PFAS: variants seen among roughly 807,000 people sequenced by gnomAD.
The protein encoded by PFAS is phosphoribosylformylglycinamidine synthase, also known as FGAM synthase.
A neutral mutation model predicts 140.6 loss-of-function variants in PFAS; 97 were observed. The observed-to-expected ratio is 0.69, with a 90% CI of 0.59 to 0.82. The LOEUF (loss-of-function observed/expected upper bound fraction) is 0.82, where lower values mean the gene tolerates loss of function less well. Among genes scored for constraint, PFAS ranks in the 40% least tolerant of loss-of-function variants. The pLI is 0.00. For synonymous variants in PFAS, 679 were observed against 718.8 expected (o/e 0.94, Z 0.88); for missense variants, 1,656 against 1,780.2 (o/e 0.93, Z 1.26).
intron 11 of PFAS, among the ~76,000 whole-genome samples, chr17:8,262,008 C>A (rs1989613500): frequency 6.6e-6 from 1 of 150,834 alleles, no homozygotes; most frequent in Non-Finnish European, 1.5e-5. Context: ...CGAGCAAGAC[C>A]CCATCTCAAA....
intron 11 of PFAS, chr17:8,262,598 A>G: frequency 3.6e-6 from 1 of 280,124 alleles, no homozygotes; most frequent in Non-Finnish European, 7.0e-6. Context: ...GTTTGAGACC[A>G]GCCTGGCCAA....
upstream of PFAS, chr17:8,247,865 G>C: frequency 1.3e-6 from 1 of 789,402 alleles, no homozygotes; most frequent in South Asian, 1.5e-5. Context: ...AGGTAGGAGC[G>C]GACCGACTCA....
Position 8,254,075 on chromosome 17 carries a change from G to C in PFAS, c.138G>C (p.Trp46Cys). 6.2e-7 allele frequency: 1 copy of C among 1,614,094 alleles called. No individual in the cohort carries two copies. The highest frequency in any genetic ancestry group is 8.5e-7 in the Non-Finnish European group (1 of 1,179,986). ...VETELCYNVN[W>C]TAEALPSAEE... Reference sequence around the variant, plus strand: ...CTGAACTGTGCTACAACGTGAACTGGACAGGTTGGGCCCAGGTATTAGATT... The same window carrying C: ...CTGAACTGTGCTACAACGTGAACTGCACAGGTTGGGCCCAGGTATTAGATT... The change falls in exon 2 of 28, where the codon TGG (tryptophan) becomes TGC (cysteine). Residue 46 changes from tryptophan to cysteine, a missense_variant. This residue lies in a region of PFAS where 773 missense variants were observed against 757.3 expected (regional missense o/e 1.02). Coordinates refer to ENST00000314666, the MANE Select transcript of PFAS (RefSeq NM_012393.3).
rs1989307297 is a variant in PFAS at position 8,255,093 on chromosome 17, T to C, written c.345T>C (p.Pro115=). The C allele has an allele frequency of 1.2e-6, 2 of 1,613,574 alleles. No homozygotes were observed. Among genetic ancestry groups the C allele is most frequent in the Admixed American group, 3.3e-5 (2 of 59,986 alleles). Residue 115 remains proline, a synonymous_variant, in exon 4 of 28, where the codon CCT becomes CCC. Coordinates refer to ENST00000314666, the MANE Select transcript of PFAS (RefSeq NM_012393.3). ...TGTGCCGCGCCACTGGGCTGGGGCC[T>C]GTGGATCGTGTGGAGACCACCCGGC... The part of the protein sequence containing the change: ...VSVCRATGLG[P]VDRVETTRRY...
chr17:8,260,725 C>T lies in PFAS; in HGVS notation c.1337-2195C>T, dbSNP rs1349983644. ...CTGCAAGCCCCGCCTCCCGGGTTCA[C>T]GCCACTCTCCTGCCTCAGCCTCCCG... On this transcript the variant is annotated intron_variant, in intron 11 of 27. Transcript: ENST00000314666. Among the ~76,000 whole-genome samples the T allele has an allele frequency of 4.6e-5, 7 of 151,858 alleles. No individual in the cohort carries two copies. In the East Asian group the frequency reaches 5.8e-4, roughly 13 times the overall value.
At chr17:8,249,994 C>T (rs975015471) in intron 1 of PFAS, among the ~76,000 whole-genome samples, 10 of 152,092 alleles carry the variant, frequency 6.6e-5, no homozygotes, top group African/African-American at 2.4e-4. Context: ...ATAGGGCCGG[C>T]CATCTGATAG....
chr17:8,264,454 G>A lies in PFAS; in HGVS notation c.1918-16G>A, dbSNP rs200459805. On this transcript the variant is annotated splice_polypyrimidine_tract_variant and intron_variant, in intron 16 of 27. Transcript: ENST00000314666. ...GCCCCAGGTGTTCACACTGCCTGTC[G>A]CTGTCTGTGTTGCAGGAGTTCTTCC... 8.1e-5 allele frequency: 130 copies of A among 1,613,098 alleles called. No homozygotes were observed. The highest frequency in any genetic ancestry group is 1.6e-4 in the Middle Eastern group (1 of 6,078).
At position 8,266,317 on chromosome 17, in the gene PFAS, G is replaced by A. The variant is rs750596896; in HGVS notation, c.2785G>A (p.Gly929Arg). The A allele has an allele frequency of 3.7e-6, 6 of 1,613,906 alleles. No homozygotes were observed. The highest frequency in any genetic ancestry group is 2.2e-5 in the South Asian group (2 of 91,076). Reference sequence around the variant, plus strand: ...GGAGATGGCCTTTGCTGGAAATTGCGGGCTACAGGTGGATGTGCCTGTCCC... The same window carrying A: ...GGAGATGGCCTTTGCTGGAAATTGCAGGCTACAGGTGGATGTGCCTGTCCC... ...LLEMAFAGNC[G>R]LQVDVPVPRV... The change falls in exon 22 of 28, where the codon GGG becomes AGG. Residue 929 changes from glycine to arginine, a missense_variant. Coordinates refer to ENST00000314666, the MANE Select transcript of PFAS (RefSeq NM_012393.3). This position sits in a 1 kb window ranked among gnomAD's most constrained non-coding sequence, Gnocchi z 5.0.
At chr17:8,261,510 A>T (rs867973966) in intron 11 of PFAS, among the ~76,000 whole-genome samples, 16 of 152,096 alleles carry the variant, frequency 1.1e-4, no homozygotes, top group African/African-American at 3.6e-4. Flanking sequence ...AAGTGCTAGG[A>T]TTACAGGCGT....
At chr17:8,248,921 G>A (rs1989004874), upstream of PFAS, among the ~76,000 whole-genome samples, 1 of 152,132 alleles carries the variant, frequency 6.6e-6, no homozygotes. Context: ...GGATGGGGTA[G>A]CAGAGCTCAG....
At chr17:8,260,116 TTTTTTTA>T (rs1245644773) in intron 11 of PFAS, among the ~76,000 whole-genome samples, 1 of 152,042 alleles carries the variant, frequency 6.6e-6, no homozygotes, top group African/African-American at 2.4e-5. Flanking sequence ...AAAAAAAATT[TTTTTTTA>T]AGTGTGGTAA....
Position 8,255,632 on chromosome 17 carries a change from G to T in PFAS, c.515G>T (p.Gly172Val), listed in dbSNP as rs746466399. ...SPESMPEPLN[G>V]PINILGEGRL... Reference sequence around the variant, plus strand: ...GAGAGCATGCCGGAACCCCTCAATGGCCCTATCAATATACTGGGTGAGGGC... The same window carrying T: ...GAGAGCATGCCGGAACCCCTCAATGTCCCTATCAATATACTGGGTGAGGGC... Residue 172 changes from glycine to valine, a missense_variant, in exon 5 of 28, where the codon GGC becomes GTC. By Grantham distance (109) the Gly-to-Val change is moderately radical (BLOSUM62 -3). This residue lies in a region of PFAS where 773 missense variants were observed against 757.3 expected (regional missense o/e 1.02). Transcript: ENST00000314666. 3.8e-6 allele frequency: 6 copies of T among 1,582,358 alleles called. No homozygotes were observed. Among genetic ancestry groups the T allele is most frequent in the Non-Finnish European group, 5.1e-6 (6 of 1,167,024 alleles).
rs767117658 is a variant in PFAS at position 8,264,454 on chromosome 17, GCTGT to G, written c.1918-11_1918-8del. 6.8e-6 allele frequency: 11 copies of G among 1,613,214 alleles called. No homozygotes were observed. Among genetic ancestry groups the G allele is most frequent in the Non-Finnish European group, 8.5e-6 (10 of 1,179,868 alleles). On this transcript the variant is annotated splice_polypyrimidine_tract_variant and intron_variant, in intron 16 of 27. Coordinates refer to ENST00000314666, the MANE Select transcript of PFAS (RefSeq NM_012393.3). Reference sequence around the variant, plus strand: ...GCCCCAGGTGTTCACACTGCCTGTCGCTGTCTGTGTTGCAGGAGTTCTTCCTGCA... The same window carrying G: ...GCCCCAGGTGTTCACACTGCCTGTCGCTGTGTTGCAGGAGTTCTTCCTGCA...
At chr17:8,252,827 G>T (rs1009390017) in intron 1 of PFAS, among the ~76,000 whole-genome samples, 10 of 151,956 alleles carry the variant, frequency 6.6e-5, no homozygotes, top group Admixed American at 4.6e-4. Flanking sequence ...TTGCCATGTT[G>T]CCCAGGTTGG....
Position 8,267,996 on chromosome 17 carries a change from A to AT in PFAS, c.3382+331_3382+332insT, listed in dbSNP as rs1189019970. On this transcript the variant is annotated intron_variant, in intron 26 of 27. Transcript: ENST00000314666. This position sits in a 1 kb window ranked among gnomAD's most constrained non-coding sequence, Gnocchi z 4.9. Reference sequence around the variant, plus strand: ...ATATATATTATTTATATATTATTAAAATATATTATTTATATATATTATTTA... The same window carrying AT: ...ATATATATTATTTATATATTATTAAATATATATTATTTATATATATTATTTA... Among the ~76,000 whole-genome samples the AT allele has an allele frequency of 1.4e-5, 2 of 141,570 alleles. No individual in the cohort carries two copies. Among genetic ancestry groups the AT allele is most frequent in the African/African-American group, 2.6e-5 (1 of 38,406 alleles). The allele number at this position is 141,570 out of a possible 152,430, so 92.9% of individuals were successfully genotyped here. A position where few individuals can be genotyped will look rare whatever the true frequency, so the allele number is the denominator to read the frequency against.
Position 8,253,982 on chromosome 17 carries a change from G to A in PFAS, c.45G>A (p.Glu15=), listed in dbSNP as rs368050168. Residue 15 remains glutamate, a synonymous_variant, in exon 2 of 28, where the codon GAG becomes GAA. Transcript: ENST00000314666. The stretch of plus-strand genomic sequence containing the variant: ...TCTATGTTCGTCCCTCTGGCCATGA[G>A]GGGGCAGCCCCTGGACACACTCGGA... ...LHFYVRPSGH[E]GAAPGHTRRK... The A allele has an allele frequency of 1.2e-5, 19 of 1,614,146 alleles. No homozygotes were observed. In the South Asian group the frequency reaches 1.4e-4, roughly 12 times the overall value.
rs552636170 is a variant in PFAS at position 8,257,413 on chromosome 17, G to A, written c.1076-394G>A. Among the ~76,000 whole-genome samples the A allele has an allele frequency of 1.5e-3, 228 of 152,304 alleles. 1 individual carries two copies. The highest frequency in any genetic ancestry group is 0.014 in the Middle Eastern group (4 of 294). On this transcript the variant is annotated intron_variant, in intron 9 of 27. Coordinates refer to ENST00000314666, the MANE Select transcript of PFAS (RefSeq NM_012393.3). ...CTACTAAAAATACAAAAAATTAGCTGGGCGTGGTGGCGGGCGCCTATAGTC... is the reference window on the plus strand; with the variant it reads ...CTACTAAAAATACAAAAAATTAGCTAGGCGTGGTGGCGGGCGCCTATAGTC...
In PFAS at chr17:8,265,014, A is replaced by G. The variant is rs1395501804; in HGVS notation, c.2169A>G (p.Thr723=). ...LSHEELIGAA[T]ALGEQPVKSL... ...ATGAGGAGCTCATAGGGGCTGCCAC[A>G]GCCTTGGGAGAACAGCCAGTCAAGA... is the stretch of plus-strand genomic sequence containing the variant. Residue 723 remains threonine (T), a synonymous_variant, in exon 18 of 28, where the codon ACA becomes ACG. Coordinates refer to ENST00000314666, the MANE Select transcript of PFAS (RefSeq NM_012393.3). 6.2e-7 allele frequency: 1 copy of G among 1,613,606 alleles called. No homozygotes were observed. Among genetic ancestry groups the G allele is most frequent in the South Asian group, 1.1e-5 (1 of 91,080 alleles).
rs1989877840 is a variant in PFAS, at chr17:8,267,751, C to CCTCT, written c.3382+88_3382+91dup. The CCTCT allele has an allele frequency of 1.4e-6, 1 of 715,744 alleles. No homozygotes were observed. The highest frequency in any genetic ancestry group is 2.4e-6 in the Non-Finnish European group (1 of 419,336). The allele number at this position is 715,744 out of a possible 1,614,324, so 44.3% of individuals were successfully genotyped here. A position where few individuals can be genotyped will look rare whatever the true frequency, so the allele number is the denominator to read the frequency against. On this transcript the variant is annotated intron_variant, in intron 26 of 27. Coordinates refer to ENST00000314666, the MANE Select transcript of PFAS (RefSeq NM_012393.3). The surrounding 1 kb of genome is among the most constrained non-coding windows in gnomAD (Gnocchi z 4.9). ...CCCATCTTCCTGGGCTGGGGATTGG[C>CCTCT]CTCTCACTCCACCGAGCTACGAGAG...
Sources: gnomAD v4.1 joint callset for allele counts (sites outside exome capture counted in the v4.1 genomes callset) on GRCh38, gnomAD v4.1.1 for gene constraint, gnomAD v4.1.1 regional missense constraint, Gnocchi (gnomAD v3.1) non-coding constraint, MANE v1.5 for transcripts, NCBI Gene and HGNC (gene_info 2026-07-23, HGNC 2026-07-21) for gene names.